Variants in STAT4 observed in about 807,000 individuals in gnomAD.
The protein encoded by STAT4 is signal transducer and activator of transcription 4.
STAT4 carries 42 observed loss-of-function variants against 110.5 expected under a neutral mutation model. The ratio of observed to expected loss-of-function variants is 0.38; its 90% confidence interval spans 0.30 to 0.49. The LOEUF (loss-of-function observed/expected upper bound fraction) is 0.49, where lower values mean the gene tolerates loss of function less well. Ranked by LOEUF, STAT4 falls within the 20% of genes least tolerant of loss-of-function variation. The pLI is 0.95. For missense variants in STAT4, 632 were observed against 887.9 expected (o/e 0.71, Z 3.66); for synonymous variants, 284 against 302.2 (o/e 0.94, Z 0.63).
intron 3 of STAT4, among the ~76,000 whole-genome samples, chr2:191,089,555 G>A (rs1697736148): frequency 6.6e-6 from 1 of 152,126 alleles, no homozygotes; most frequent in Non-Finnish European, 1.5e-5. Context: ...TGCACCCCTT[G>A]GTATTTATCT....
In STAT4 at chr2:191,058,630, T is replaced by A; in HGVS notation, c.1094+80A>T. The stretch of plus-strand genomic sequence containing the variant: ...ATAAGTAAATTTAAAAGTTCAAAAT[T>A]ATTCTATAAAATAAAGGCCATTCAT... On this transcript the variant is annotated intron_variant, in intron 11 of 23. Transcript: ENST00000392320. This position sits in a 1 kb window ranked among gnomAD's most constrained non-coding sequence, Gnocchi z 4.3. 1.2e-6 allele frequency: 1 copy of A among 838,216 alleles called. No homozygotes were observed. 51.9% of individuals were successfully genotyped at this position (838,216 alleles called of 1,614,324 possible).
intron 3 of STAT4, among the ~76,000 whole-genome samples, chr2:191,100,968 T>C (rs1007635371): frequency 6.6e-6 from 1 of 152,018 alleles, no homozygotes; most frequent in Non-Finnish European, 1.5e-5. Context: ...TTTTAGAACA[T>C]GTACTGTCAT....
At chr2:191,121,090 C>A (rs1353755658) in intron 3 of STAT4, among the ~76,000 whole-genome samples, 1 of 152,128 alleles carries the variant, frequency 6.6e-6, no homozygotes, top group East Asian at 1.9e-4. Flanking sequence ...AAACAAACAA[C>A]CCCATCAAAA....
intron 3 of STAT4, among the ~76,000 whole-genome samples, chr2:191,095,663 A>T (rs1697948798): frequency 6.6e-6 from 1 of 152,234 alleles, no homozygotes; most frequent in Non-Finnish European, 1.5e-5. Context: ...ATAAAGCAGG[A>T]AAGATCTAAA....
At position 191,145,341 on chromosome 2, in the gene STAT4, C is replaced by A. The variant is rs188997404; in HGVS notation, c.273+1272G>T. The stretch of plus-strand genomic sequence containing the variant: ...TTTTATGATCTATTTTATTTTTATT[C>A]TTTTCCAATCACTTAAAAATATAAA... On this transcript the variant is annotated intron_variant, in intron 3 of 23. Transcript: ENST00000392320. Among the ~76,000 whole-genome samples, 720 of 152,098 alleles carry A rather than the reference C, an allele frequency of 4.7e-3. 3 individuals are homozygous for A. The highest frequency in any genetic ancestry group is 0.017 in the African/African-American group (699 of 41,496).
In STAT4 at chr2:191,058,857, T is replaced by C; in HGVS notation, c.1035-88A>G. Reference sequence around the variant, plus strand: ...TTTATATTTAAACATTTAAATATACTATGAAATATGCATATAAATAAACCT... The same window carrying C: ...TTTATATTTAAACATTTAAATATACCATGAAATATGCATATAAATAAACCT... On this transcript the variant is annotated intron_variant, in intron 10 of 23. Transcript: ENST00000392320. This position sits in a 1 kb window ranked among gnomAD's most constrained non-coding sequence, Gnocchi z 4.3. 2.8e-6 allele frequency: 2 copies of C among 717,164 alleles called. No homozygotes were observed. Among genetic ancestry groups the C allele is most frequent in the South Asian group, 1.8e-5 (1 of 55,776 alleles). 44.4% of individuals were successfully genotyped at this position (717,164 alleles called of 1,614,324 possible). A position where few individuals can be genotyped will look rare whatever the true frequency, so the allele number is the denominator to read the frequency against.
At chr2:191,123,583 T>C (rs2125397207) in intron 3 of STAT4, among the ~76,000 whole-genome samples, 1 of 152,364 alleles carries the variant, frequency 6.6e-6, no homozygotes, top group African/African-American at 2.4e-5. Context: ...ATTGAAAATG[T>C]GTTTAATACA....
intron 3 of STAT4, among the ~76,000 whole-genome samples, chr2:191,128,633 C>A (rs754849613): frequency 6.6e-6 from 1 of 152,116 alleles, no homozygotes; most frequent in Non-Finnish European, 1.5e-5. Flanking sequence ...CAGCCATACC[C>A]AAATGACCCC....
intron 6 of STAT4, among the ~76,000 whole-genome samples, chr2:191,067,740 T>C (rs1368038850): frequency 6.6e-6 from 1 of 152,152 alleles, no homozygotes; most frequent in Non-Finnish European, 1.5e-5. Flanking sequence ...CTGATCTACA[T>C]TTTATTAGTC....
At chr2:191,074,326 G>A (rs1311358111) in intron 4 of STAT4, among the ~76,000 whole-genome samples, 7 of 152,190 alleles carry the variant, frequency 4.6e-5, no homozygotes, top group Non-Finnish European at 1.5e-5. Flanking sequence ...ACCTCAAGTA[G>A]AGCCCATGTC....
rs1424908470 is a variant in STAT4, at chr2:191,143,875, C to A, written c.273+2738G>T. ...ATACCACCCTTCCCCGCAAAAAACA[C>A]ACACAACTTAATGGGATTATAGTAG... On this transcript the variant is annotated intron_variant, in intron 3 of 23. Transcript: ENST00000392320. This position sits in a 1 kb window ranked among gnomAD's most constrained non-coding sequence, Gnocchi z 5.6. 1.3e-5 allele frequency among the ~76,000 whole-genome samples: 2 copies of A among 151,924 alleles called. No homozygotes were observed. The highest frequency in any genetic ancestry group is 2.9e-5 in the Non-Finnish European group (2 of 68,002).
At position 191,150,378 on chromosome 2, in the gene STAT4, G is replaced by A. The variant is rs986559115; in HGVS notation, c.-2+569C>T. On this transcript the variant is annotated intron_variant, in intron 1 of 23. Coordinates refer to ENST00000392320, the MANE Select transcript of STAT4 (RefSeq NM_003151.4). The surrounding 1 kb of genome is among the most constrained non-coding windows in gnomAD (Gnocchi z 6.4). ...CTGTGACGTTGCTTCTGAAAACTCA[G>A]TGCCTGTCTGTCCTTTTTGCGTGCA... Among the ~76,000 whole-genome samples, 8 of 152,182 alleles carry A rather than the reference G, an allele frequency of 5.3e-5. No homozygotes were observed. Among genetic ancestry groups the A allele is most frequent in the African/African-American group, 1.9e-4 (8 of 41,440 alleles).
chr2:191,126,672 G>C (rs1698890374), intron 3 of STAT4, among the ~76,000 whole-genome samples: 1 of 152,160 alleles, frequency 6.6e-6, no homozygotes, highest in African/African-American at 2.4e-5. Flanking sequence ...TGTTACAGCT[G>C]TCAGGCCAGC....
Position 191,058,855 on chromosome 2 carries a change from ACTATG to A in STAT4, c.1035-91_1035-87del. 5 of 739,676 alleles carry A rather than the reference ACTATG, an allele frequency of 6.8e-6. No homozygotes were observed. Among genetic ancestry groups the A allele is most frequent in the Non-Finnish European group, 1.1e-5 (5 of 443,424 alleles). The allele number at this position is 739,676 out of a possible 1,614,324, so 45.8% of individuals were successfully genotyped here. ...TTTTTATATTTAAACATTTAAATAT[ACTATG>A]AAATATGCATATAAATAAACCTTAC... On this transcript the variant is annotated intron_variant, in intron 10 of 23. Coordinates refer to ENST00000392320, the MANE Select transcript of STAT4 (RefSeq NM_003151.4). The surrounding 1 kb of genome is among the most constrained non-coding windows in gnomAD (Gnocchi z 4.3).
At position 191,050,321 on chromosome 2, in the gene STAT4, T is replaced by G. The variant is rs1008809960; in HGVS notation, c.1251+4169A>C. ...GGAACAGATTGATGGCCTCAAAGTC[T>G]GGCCACTTTCTAGGTGATGAAATTG... On this transcript the variant is annotated intron_variant, in intron 14 of 23. Transcript: ENST00000392320. The surrounding 1 kb of genome is among the most constrained non-coding windows in gnomAD (Gnocchi z 4.3). Among the ~76,000 whole-genome samples the G allele has an allele frequency of 1.3e-5, 2 of 152,222 alleles. No homozygotes were observed. Among genetic ancestry groups the G allele is most frequent in the African/African-American group, 2.4e-5 (1 of 41,458 alleles).
chr2:191,094,283 A>C (rs1245638045), intron 3 of STAT4, among the ~76,000 whole-genome samples: 1 of 152,192 alleles, frequency 6.6e-6, no homozygotes, highest in East Asian at 1.9e-4. Flanking sequence ...AAGACACATA[A>C]TTATCAGATT....
chr2:191,047,526 G>A (rs1383522483), intron 14 of STAT4, among the ~76,000 whole-genome samples: 1 of 152,220 alleles, frequency 6.6e-6, no homozygotes, highest in Non-Finnish European at 1.5e-5. Context: ...GTGTCTGCTG[G>A]AGAACTGGTT....
rs1247720167 is a variant in STAT4 at position 191,066,880 on chromosome 2, G to A, written c.545-365C>T. ...ATTTGGTAAAAGTAAGGAAAGCAGG[G>A]ATCACCCTTTGTGCCCCTGATTAAA... On this transcript the variant is annotated intron_variant, in intron 6 of 23. Transcript: ENST00000392320. The surrounding 1 kb of genome is among the most constrained non-coding windows in gnomAD (Gnocchi z 4.3). 6.6e-6 allele frequency among the ~76,000 whole-genome samples: 1 copy of A among 151,968 alleles called. No individual in the cohort carries two copies. The highest frequency in any genetic ancestry group is 2.4e-5 in the African/African-American group (1 of 41,354).
rs1699173501 is a variant in STAT4 at position 191,136,024 on chromosome 2, C to CAAAAAAAAAAA, written c.273+10588_273+10589insTTTTTTTTTTT. 6.2e-4 allele frequency among the ~76,000 whole-genome samples: 27 copies of CAAAAAAAAAAA among 43,768 alleles called. 1 individual carries two copies. The highest frequency in any genetic ancestry group is 1.7e-3 in the African/African-American group (26 of 15,544). The allele number at this position is 43,768 out of a possible 152,430, so 28.7% of individuals were successfully genotyped here. On this transcript the variant is annotated intron_variant, in intron 3 of 23. Coordinates refer to ENST00000392320, the MANE Select transcript of STAT4 (RefSeq NM_003151.4). ...ATCTCAGAAAAAAAAAAAAAAAAAC[C>CAAAAAAAAAAA]AAAAAACAAAAAACCAATGTGATCA...
Sources: gnomAD v4.1 joint callset for allele counts (sites outside exome capture counted in the v4.1 genomes callset) on GRCh38, gnomAD v4.1.1 for gene constraint, Gnocchi (gnomAD v3.1) non-coding constraint, MANE v1.5 for transcripts, NCBI Gene and HGNC (gene_info 2026-07-23, HGNC 2026-07-21) for gene names.